The following SLC24A3 variants were observed in gnomAD, a reference collection of about 807,000 sequenced individuals.
SLC24A3 encodes the protein sodium/potassium/calcium exchanger 3.
Under a neutral mutation model 75.8 loss-of-function variants are expected in SLC24A3, and 28 were observed. That is an observed-to-expected ratio of 0.37 (90% CI 0.27 to 0.51). The LOEUF is 0.51. Ranked by LOEUF, SLC24A3 falls within the 20% of genes least tolerant of loss-of-function variation. The pLI is 0.94. For missense variants in SLC24A3, 663 were observed against 847.8 expected, an observed-to-expected ratio of 0.78 and a Z score of 2.71; for synonymous variants, 372 against 334.1, an observed-to-expected ratio of 1.11 and a Z score of -1.24.
chr20:19,213,034 G>A lies in SLC24A3; in HGVS notation c.142+50G>A, dbSNP rs964461689. The A allele has an allele frequency of 1.9e-5, 23 of 1,181,580 alleles. No homozygotes were observed. In the African/African-American group the frequency reaches 3.4e-4, roughly 17 times the overall value. 73.2% of individuals were successfully genotyped at this position (1,181,580 alleles called of 1,614,324 possible). A position where few individuals can be genotyped will look rare whatever the true frequency, so the allele number is the denominator to read the frequency against. ...GTGGGCGCTGCGGCTCCGGCGGCTC[G>A]GGGCTCCCGGGGCTGGGCGCGGGGC... On this transcript the variant is annotated intron_variant, in intron 1 of 16. Transcript: ENST00000328041.
chr20:19,489,865 A>AT (rs1988182750), intron 2 of SLC24A3, among the ~76,000 whole-genome samples: 3 of 152,238 alleles, frequency 2.0e-5, no homozygotes, highest in Non-Finnish European at 4.4e-5. Context: ...TCCCTCTGGA[A>AT]TGTGCCGTTC....
chr20:19,612,745 C>T (rs1387335953), intron 6 of SLC24A3, among the ~76,000 whole-genome samples: 1 of 152,130 alleles, frequency 6.6e-6, no homozygotes, highest in African/African-American at 2.4e-5. Flanking sequence ...GGGATGACTG[C>T]AGGAGGCCCC....
intron 1 of SLC24A3, chr20:19,264,077 C>A (rs1195615849): frequency 6.7e-6 from 1 of 150,204 alleles, no homozygotes; most frequent in Non-Finnish European, 1.5e-5. Context: ...AAAATGCTTA[C>A]TGTGGTGGTG....
rs139176048 is a variant in SLC24A3, at chr20:19,235,813, G to A, written c.142+22829G>A. Among the ~76,000 whole-genome samples, 8 of 152,280 alleles carry A rather than the reference G, an allele frequency of 5.3e-5. No homozygotes were observed. In the South Asian group the frequency reaches 8.3e-4, roughly 16 times the overall value. ...TCTCCATTACCTACAAGGTGCAACT[G>A]AGCCCTGCAGCCTGCACCTGGAGCC... On this transcript the variant is annotated intron_variant, in intron 1 of 16. Transcript: ENST00000328041.
At chr20:19,494,206 C>T (rs181392862) in intron 2 of SLC24A3, among the ~76,000 whole-genome samples, 134 of 152,326 alleles carry the variant, frequency 8.8e-4, no homozygotes, top group African/African-American at 3.1e-3. Context: ...CATCTATAGT[C>T]CATACCCACC....
rs115796608 is a variant in SLC24A3 at position 19,706,759 on chromosome 20, A to G, written c.1719+8079A>G. Among the ~76,000 whole-genome samples the G allele has an allele frequency of 3.7e-3, 570 of 152,284 alleles. 3 individuals carry two copies. Among genetic ancestry groups the G allele is most frequent in the African/African-American group, 0.013 (542 of 41,554 alleles). On this transcript the variant is annotated intron_variant, in intron 15 of 16. Coordinates refer to ENST00000328041, the MANE Select transcript of SLC24A3 (RefSeq NM_020689.4). ...GCCTTTTAGAAAGGACGTTCTGACA[A>G]TTCCGTAGAGAAAGCACTGGAGCCT...
intron 10 of SLC24A3, 77 bp from the exon 11 acceptor site, chr20:19,684,099 G>T (rs1414048620): frequency 1.3e-6 from 2 of 1,500,670 alleles, no homozygotes; most frequent in Non-Finnish European, 1.8e-6. Context: ...GAAAAGAAGG[G>T]AAGGAAGAAT....
chr20:19,300,332 C>G (rs1984165735), intron 2 of SLC24A3, among the ~76,000 whole-genome samples: 2 of 152,160 alleles, frequency 1.3e-5, no homozygotes, highest in Admixed American at 1.3e-4. Flanking sequence ...TGGGAGGAAG[C>G]CCAGGCATCA....
intron 2 of SLC24A3, among the ~76,000 whole-genome samples, chr20:19,422,499 T>C (rs943307346): frequency 6.6e-6 from 1 of 152,156 alleles, no homozygotes; most frequent in Non-Finnish European, 1.5e-5. Context: ...GAACCTGGCT[T>C]CTGACCTGGG....
chr20:19,287,286 G>A (rs1983838085), intron 2 of SLC24A3, among the ~76,000 whole-genome samples: 1 of 152,218 alleles, frequency 6.6e-6, no homozygotes, highest in Admixed American at 6.5e-5. Flanking sequence ...GAAAGAGCAT[G>A]GAGGATTTGG....
At chr20:19,632,813 G>C (rs2031951368) in intron 6 of SLC24A3, among the ~76,000 whole-genome samples, 1 of 152,182 alleles carries the variant, frequency 6.6e-6, no homozygotes, top group South Asian at 2.1e-4. Context: ...CCCCGTCCTA[G>C]AAAGTCTATT....
chr20:19,569,482 C>T (rs1314271681), intron 3 of SLC24A3, among the ~76,000 whole-genome samples: 1 of 152,114 alleles, frequency 6.6e-6, no homozygotes, highest in Admixed American at 6.5e-5. Flanking sequence ...TCCCAAGCTT[C>T]CTGGGAGGTT....
At chr20:19,439,721 G>C (rs1211946273) in intron 2 of SLC24A3, among the ~76,000 whole-genome samples, 1 of 152,182 alleles carries the variant, frequency 6.6e-6, no homozygotes, top group Non-Finnish European at 1.5e-5. Context: ...ACAACTGATG[G>C]TTTGGATCTG....
chr20:19,388,860 T>C (rs1186475214), intron 2 of SLC24A3, among the ~76,000 whole-genome samples: 1 of 152,210 alleles, frequency 6.6e-6, no homozygotes, highest in Non-Finnish European at 1.5e-5. Flanking sequence ...ATTTCAGCCA[T>C]TTATATCTAA....
intron 12 of SLC24A3, among the ~76,000 whole-genome samples, 186 bp downstream of exon 12, chr20:19,685,547 GT>G (rs2122743359): frequency 6.6e-6 from 1 of 152,308 alleles, no homozygotes; most frequent in African/African-American, 2.4e-5. Context: ...CAAGATGGGG[GT>G]CCATGATCAT....
intron 6 of SLC24A3, among the ~76,000 whole-genome samples, chr20:19,587,677 G>A (rs59289023): frequency 0.036 from 5,496 of 152,226 alleles, 120 homozygotes; most frequent in South Asian, 0.086. Flanking sequence ...GGAATCAGAC[G>A]GGTCTGGGTT....
At chr20:19,546,172 A>AAAAAAAAAAAC (rs2030589696) in intron 3 of SLC24A3, among the ~76,000 whole-genome samples, 2 of 148,880 alleles carry the variant, frequency 1.3e-5, no homozygotes, top group Non-Finnish European at 3.0e-5. Flanking sequence ...AAAAAAAAAA[A>AAAAAAAAAAAC]AAAAAAAAAA....
intron 6 of SLC24A3, among the ~76,000 whole-genome samples, chr20:19,606,267 C>G (rs1320486023): frequency 6.6e-6 from 1 of 152,190 alleles, no homozygotes; most frequent in Non-Finnish European, 1.5e-5. Flanking sequence ...TTACTGCTGC[C>G]TGAGTGCTAG....
chr20:19,698,849 G>A (rs376997212), intron 15 of SLC24A3, among the ~76,000 whole-genome samples, 169 bp downstream of exon 15: 1 of 152,284 alleles, frequency 6.6e-6, no homozygotes, highest in South Asian at 2.1e-4. Context: ...GGCTTGCAGG[G>A]ACATTCAGGA....
Sources: gnomAD v4.1 joint callset for allele counts (sites outside exome capture counted in the v4.1 genomes callset) on GRCh38, gnomAD v4.1.1 for gene constraint, MANE v1.5 for transcripts, NCBI Gene and HGNC (gene_info 2026-07-23, HGNC 2026-07-21) for gene names.